The following EYS variants were observed in gnomAD, a reference collection of about 807,000 sequenced individuals.
The protein encoded by EYS is protein eyes shut homolog.
A neutral mutation model predicts 282.1 loss-of-function variants in EYS; 250 were observed. That is an observed-to-expected ratio of 0.89 (90% confidence interval 0.80 to 0.98). EYS has a LOEUF of 0.98. Among genes scored for constraint, EYS ranks in the 50% least tolerant of loss-of-function variants. The pLI, the probability that EYS is intolerant of heterozygous loss-of-function variation, is 0.00. For synonymous variants in EYS, 1,355 were observed against 1,282.9 expected (o/e 1.06, Z -1.20); for missense variants, 4,016 against 3,709.0 (o/e 1.08, Z -2.15).
intron 38 of EYS, 101 bp from the exon 39 acceptor site, chr6:63,788,350 T>C (rs1770421869): frequency 1.1e-6 from 1 of 934,718 alleles, no homozygotes; most frequent in African/African-American, 1.7e-5. Context: ...GCATGAAAAA[T>C]TTACAAAGAC....
Position 65,213,450 on chromosome 6 carries a change from C to T in EYS, c.2023+82413G>A, listed in dbSNP as rs145156404. 5.6e-3 allele frequency among the ~76,000 whole-genome samples: 850 copies of T among 152,218 alleles called. 7 individuals are homozygous for T. Among genetic ancestry groups the T allele is most frequent in the African/African-American group, 0.02 (815 of 41,536 alleles). On this transcript the variant is annotated intron_variant, in intron 12 of 42. Coordinates refer to ENST00000503581, the MANE Select transcript of EYS (RefSeq NM_001142800.2). Reference sequence around the variant, plus strand: ...AACAAATGGAATGTTTGTGGAAACCCTGCACTGAGCATGTATTGGCTTTTC... The same window carrying T: ...AACAAATGGAATGTTTGTGGAAACCTTGCACTGAGCATGTATTGGCTTTTC...
chr6:64,704,549 A>G (rs904878683), intron 22 of EYS, among the ~76,000 whole-genome samples: 1 of 68,386 alleles, frequency 1.5e-5, no homozygotes, highest in Non-Finnish European at 3.0e-5. Flanking sequence ...TTATAATTAT[A>G]ATACTTATAA....
chr6:65,064,173 T>G (rs1013865087), intron 12 of EYS, among the ~76,000 whole-genome samples: 5 of 143,650 alleles, frequency 3.5e-5, no homozygotes, highest in South Asian at 4.2e-4. Flanking sequence ...ATAATATATA[T>G]AATATATAGT....
At chr6:64,853,438 C>G (rs923014043) in intron 19 of EYS, among the ~76,000 whole-genome samples, 1 of 152,106 alleles carries the variant, frequency 6.6e-6, no homozygotes, top group Non-Finnish European at 1.5e-5. Flanking sequence ...AACTTCACAG[C>G]CGACTATGAG....
intron 22 of EYS, among the ~76,000 whole-genome samples, chr6:64,712,651 A>G (rs1771251258): frequency 6.6e-6 from 1 of 152,210 alleles, no homozygotes; most frequent in Admixed American, 6.5e-5. Context: ...AACTATGCAA[A>G]TGTTCTTGCA....
At chr6:65,149,808 G>A (rs895105024) in intron 12 of EYS, among the ~76,000 whole-genome samples, 6 of 152,090 alleles carry the variant, frequency 3.9e-5, no homozygotes, top group Non-Finnish European at 8.8e-5. Flanking sequence ...TATTGCACTA[G>A]TTTGTTCTCA....
At chr6:64,320,093 T>A (rs1212619300) in intron 29 of EYS, among the ~76,000 whole-genome samples, 1 of 152,000 alleles carries the variant, frequency 6.6e-6, no homozygotes, top group African/African-American at 2.4e-5. Flanking sequence ...GTTGAAGGGT[T>A]TTTTTGTTTT....
intron 31 of EYS, among the ~76,000 whole-genome samples, chr6:64,125,612 C>T (rs1562213867): frequency 6.6e-6 from 1 of 151,426 alleles, no homozygotes; most frequent in Non-Finnish European, 1.5e-5. Context: ...GGTGAAACCC[C>T]ATCTCTACTA....
At chr6:64,234,595 T>A (rs768994552) in intron 30 of EYS, among the ~76,000 whole-genome samples, 7 of 152,290 alleles carry the variant, frequency 4.6e-5, no homozygotes, top group Non-Finnish European at 8.8e-5. Flanking sequence ...ACAGCATTAT[T>A]TAATATTTTT....
chr6:64,125,785 CAAA>C (rs920132590), intron 31 of EYS, among the ~76,000 whole-genome samples: 6 of 50,018 alleles, frequency 1.2e-4, no homozygotes, highest in African/African-American at 1.9e-4. Context: ...GACTCCGTCT[CAAA>C]AAAAAAAAAA....
intron 14 of EYS, among the ~76,000 whole-genome samples, chr6:64,964,577 C>T (rs1049895641): frequency 6.6e-6 from 1 of 151,928 alleles, no homozygotes; most frequent in Non-Finnish European, 1.5e-5. Context: ...GGGAAATTTC[C>T]TGTCACAGTG....
chr6:65,586,552 T>C (rs1765055376), intron 2 of EYS, among the ~76,000 whole-genome samples: 1 of 152,084 alleles, frequency 6.6e-6, no homozygotes, highest in East Asian at 1.9e-4. Flanking sequence ...GTCAGAACTG[T>C]GGAACATTTG....
rs73438935 is a variant in EYS, at chr6:64,652,069, T to C, written c.3444-25824A>G. On this transcript the variant is annotated intron_variant, in intron 22 of 42. Transcript: ENST00000503581. ...ATTTGCATTTACTTTGAGGGAGCAA[T>C]TTCCCTGCCAAGAACTTATTTTAGG... Among the ~76,000 whole-genome samples the C allele has an allele frequency of 3.8e-3, 577 of 152,316 alleles. 4 individuals are homozygous for C. Among genetic ancestry groups the C allele is most frequent in the African/African-American group, 0.013 (529 of 41,586 alleles).
intron 35 of EYS, among the ~76,000 whole-genome samples, chr6:63,882,999 T>C (rs917354990): frequency 6.6e-6 from 1 of 152,116 alleles, no homozygotes; most frequent in African/African-American, 2.4e-5. Context: ...CCATAATTAG[T>C]GTGATTTTAC....
chr6:65,390,760 C>T lies in EYS; in HGVS notation c.1185-6260G>A, dbSNP rs907446767. Among the ~76,000 whole-genome samples the T allele has an allele frequency of 4.6e-5, 7 of 151,692 alleles. No individual in the cohort carries two copies. In the East Asian group the frequency reaches 1.4e-3, roughly 30 times the overall value. On this transcript the variant is annotated intron_variant, in intron 7 of 42. Coordinates refer to ENST00000503581, the MANE Select transcript of EYS (RefSeq NM_001142800.2). ...AAAAAATTAGCCAGGTGAATAGCCC[C>T]AGCTACTCGGTTACTTGGGAGGCTG...
At chr6:65,049,103 A>C (rs1368446069) in intron 13 of EYS, among the ~76,000 whole-genome samples, 1 of 151,894 alleles carries the variant, frequency 6.6e-6, no homozygotes, top group East Asian at 1.9e-4. Context: ...TCTCAAATAC[A>C]CAAAAGAAAA....
chr6:65,571,416 T>C (rs1370155048), intron 2 of EYS, among the ~76,000 whole-genome samples: 1 of 152,054 alleles, frequency 6.6e-6, no homozygotes, highest in African/African-American at 2.4e-5. Flanking sequence ...TCATATACTC[T>C]TTCTGGTACA....
chr6:65,363,777 C>G (rs1318831127), intron 8 of EYS, among the ~76,000 whole-genome samples: 1 of 151,562 alleles, frequency 6.6e-6, no homozygotes, highest in Middle Eastern at 3.3e-3. Context: ...ATATGTGTCA[C>G]ATATTTTTTC....
At chr6:64,296,590 ATATATATATTTTTT>A (rs1769027945) in intron 30 of EYS, among the ~76,000 whole-genome samples, 5 of 4,664 alleles carry the variant, frequency 1.1e-3, no homozygotes, top group East Asian at 4.0e-3. Context: ...ATATACATAT[ATATATATATTTTTT>A]TTTTTTTTTT....
Sources: gnomAD v4.1 joint callset for allele counts (sites outside exome capture counted in the v4.1 genomes callset) on GRCh38, gnomAD v4.1.1 for gene constraint, MANE v1.5 for transcripts, NCBI Gene and HGNC (gene_info 2026-07-23, HGNC 2026-07-21) for gene names.